The following ZNF469 variants were observed in gnomAD, a reference collection of about 807,000 sequenced individuals.
The protein encoded by ZNF469 is zinc finger protein 469.
ZNF469 carries 1 observed loss-of-function variant against 1.0 expected under a neutral mutation model. The observed-to-expected ratio is 1.00, with a 90% confidence interval of 0.35 to 4.73. The LOEUF (loss-of-function observed/expected upper bound fraction) is 4.73. Ranked by LOEUF, ZNF469 falls within the 30% of genes most tolerant of loss-of-function variation. The pLI, the probability that ZNF469 is intolerant of heterozygous loss-of-function variation, is 0.16. For synonymous variants in ZNF469, 2,703 were observed against 2,363.4 expected (o/e 1.14, Z -4.17); for missense variants, 6,100 against 5,356.3 (o/e 1.14, Z -4.33).
At chr16:88,340,656 G>A in the ZNF469 span, among the ~76,000 whole-genome samples, 2 of 152,200 alleles carry the variant, frequency 1.3e-5, no homozygotes, top group South Asian at 2.1e-4. Context: ...GCAGGGCGGC[G>A]CAGCTTAACA....
At chr16:88,279,715 A>G in the ZNF469 span, among the ~76,000 whole-genome samples, 1 of 143,588 alleles carries the variant, frequency 7.0e-6, no homozygotes, top group African/African-American at 2.6e-5. Context: ...TGTAGATATC[A>G]GTGCACGGTT....
chr16:88,347,956 A>T, the ZNF469 span, among the ~76,000 whole-genome samples: 1 of 152,270 alleles, frequency 6.6e-6, no homozygotes, highest in East Asian at 1.9e-4. Flanking sequence ...CTTCCCAGAG[A>T]GCTCCGCCAG....
chr16:88,217,575 A>G, the ZNF469 span, among the ~76,000 whole-genome samples: 21 of 123,350 alleles, frequency 1.7e-4, no homozygotes, highest in African/African-American at 4.0e-4. Context: ...ATATCTCCCA[A>G]TGCTATCCCT....
At chr16:88,372,119 TCATCACCATCACC>T in the ZNF469 span, among the ~76,000 whole-genome samples, 1 of 40,442 alleles carries the variant, frequency 2.5e-5, no homozygotes, top group African/African-American at 7.8e-5. Context: ...ATCACCACCA[TCATCACCATCACC>T]GTCACCATCA....
intron 1 of ZNF469, among the ~76,000 whole-genome samples, chr16:88,387,564 A>G (rs1904371539): frequency 6.6e-6 from 1 of 152,244 alleles, no homozygotes; most frequent in Admixed American, 6.5e-5. Flanking sequence ...GTCAAACGGT[A>G]GACTTCCTGC....
chr16:88,433,328 G>GC lies in ZNF469; in HGVS notation c.5862dup (p.Ala1955ArgfsTer108). ...GTGGAAGGAGGGAAGGTGGCCTGTG[G>GC]CCCCGCCCAGGGCTCCCCAGGGGGT... On this transcript the variant is annotated frameshift_variant, in exon 3 of 3. Transcript: ENST00000565624. LOFTEE classifies it low-confidence loss of function (END_TRUNC). The GC allele has an allele frequency of 6.5e-7, 1 of 1,550,318 alleles. No individual in the cohort carries two copies. Among genetic ancestry groups the GC allele is most frequent in the Non-Finnish European group, 8.7e-7 (1 of 1,146,926 alleles).
chr16:88,115,391 G>C, the ZNF469 span, among the ~76,000 whole-genome samples: 1 of 151,864 alleles, frequency 6.6e-6, no homozygotes, highest in Non-Finnish European at 1.5e-5. Context: ...ATCAGCCAAG[G>C]TTGCTCCTCT....
chr16:88,243,509 C>T, the ZNF469 span, among the ~76,000 whole-genome samples: 19,571 of 152,238 alleles, frequency 0.13, 1,498 homozygotes, highest in Middle Eastern at 0.25. Flanking sequence ...TGGACCTCCC[C>T]AAGACTGCAT....
the ZNF469 span, among the ~76,000 whole-genome samples, chr16:88,122,339 C>T: frequency 5.3e-5 from 8 of 151,848 alleles, no homozygotes; most frequent in Non-Finnish European, 1.0e-4. Context: ...GCCACGGCAG[C>T]CACTCGGATC....
the ZNF469 span, among the ~76,000 whole-genome samples, chr16:88,277,303 C>T: frequency 4.7e-5 from 7 of 149,260 alleles, no homozygotes; most frequent in East Asian, 2.0e-4. Context: ...CAGTCAGTAC[C>T]ATGTAGATAT....
the ZNF469 span, among the ~76,000 whole-genome samples, chr16:88,360,569 C>T: frequency 8.3e-6 from 1 of 120,202 alleles, no homozygotes; most frequent in Admixed American, 8.3e-5. Flanking sequence ...AGACAGCGCC[C>T]GCATGCTCCC....
rs1487592926 is a variant in ZNF469 at position 88,440,395 on chromosome 16, C to A, written c.*1063C>A. ...GCCCTGGCCAGGGCACCCTCATGCA[C>A]CGACCCAACCCAGGCCTGGGACGCA... On this transcript the variant is annotated 3_prime_UTR_variant, in exon 3 of 3. Coordinates refer to ENST00000565624, the MANE Select transcript of ZNF469 (RefSeq NM_001367624.2). 6.6e-6 allele frequency: 1 copy of A among 152,112 alleles called. No individual in the cohort carries two copies. Among genetic ancestry groups the A allele is most frequent in the Non-Finnish European group, 1.5e-5 (1 of 68,018 alleles). 9.4% of individuals were successfully genotyped at this position (152,112 alleles called of 1,614,324 possible).
At chr16:88,177,517 T>C in the ZNF469 span, 1 of 152,120 alleles carries the variant, frequency 6.6e-6, no homozygotes, top group Non-Finnish European at 1.5e-5. The surrounding 1 kb of genome is among the most constrained non-coding windows in gnomAD (Gnocchi z 4.8). Context: ...AAGGTATCAG[T>C]TTTCCATCAA....
the ZNF469 span, among the ~76,000 whole-genome samples, chr16:88,270,409 G>A: frequency 1.3e-5 from 2 of 152,218 alleles, no homozygotes; most frequent in Middle Eastern, 3.2e-3. Context: ...CCAGGGTCCT[G>A]GATGCTCGCA....
intron 1 of ZNF469, among the ~76,000 whole-genome samples, chr16:88,415,890 G>A (rs949993660): frequency 7.9e-5 from 12 of 152,236 alleles, no homozygotes; most frequent in African/African-American, 2.9e-4. Context: ...CCTTCCTCAA[G>A]CTGGGGCGGC....
At chr16:88,355,820 G>A in the ZNF469 span, among the ~76,000 whole-genome samples, 10 of 152,298 alleles carry the variant, frequency 6.6e-5, no homozygotes, top group East Asian at 3.9e-4. Flanking sequence ...ACCTGGACCC[G>A]AAAGAGGTGT....
At chr16:88,183,193 G>C in the ZNF469 span, among the ~76,000 whole-genome samples, 1 of 152,352 alleles carries the variant, frequency 6.6e-6, no homozygotes, top group Non-Finnish European at 1.5e-5. Flanking sequence ...AAAATGCCGC[G>C]CGCCTGGAGT....
Position 88,437,574 on chromosome 16 carries a change from C to T in ZNF469, c.10104C>T (p.Pro3368=), listed in dbSNP as rs1477350760. Reference sequence around the variant, plus strand: ...GCCCGCAGCGCGTCTACCTGTGCCCCCGGTGCCCCCGGGTCTACCCCGAGC... The same window carrying T: ...GCCCGCAGCGCGTCTACCTGTGCCCTCGGTGCCCCCGGGTCTACCCCGAGC... ...VHSPQRVYLC[P]RCPRVYPEHG... The change falls in exon 3 of 3, where the codon CCC becomes CCT. Residue 3368 remains proline, a synonymous_variant. Coordinates refer to ENST00000565624, the MANE Select transcript of ZNF469 (RefSeq NM_001367624.2). 2.0e-6 allele frequency: 3 copies of T among 1,536,520 alleles called. No homozygotes were observed. Among genetic ancestry groups the T allele is most frequent in the East Asian group, 5.0e-5 (2 of 40,402 alleles).
the ZNF469 span, among the ~76,000 whole-genome samples, chr16:88,298,685 G>A: frequency 6.6e-6 from 1 of 152,122 alleles, no homozygotes; most frequent in Admixed American, 6.5e-5. Flanking sequence ...GCAATGTTCT[G>A]GAAGGTCACA....
Sources: gnomAD v4.1 joint callset for allele counts (sites outside exome capture counted in the v4.1 genomes callset) on GRCh38, gnomAD v4.1.1 for gene constraint, Gnocchi (gnomAD v3.1) non-coding constraint, MANE v1.5 for transcripts, NCBI Gene and HGNC (gene_info 2026-07-23, HGNC 2026-07-21) for gene names.